The following MITF variants were observed in gnomAD, a reference collection of about 807,000 sequenced individuals.
MITF encodes microphthalmia-associated transcription factor.
In MITF, 17 loss-of-function variants were observed where a neutral mutation model predicts 60.5. The observed-to-expected ratio is 0.28, with a 90% confidence interval of 0.19 to 0.42. MITF has a LOEUF of 0.42. Ranked by LOEUF, MITF falls within the 10% of genes least tolerant of loss-of-function variation. The pLI, the probability that MITF is intolerant of heterozygous loss-of-function variation, is 1.00. For missense variants in MITF, 622 were observed against 683.5 expected (o/e 0.91, Z 1.00); for synonymous variants, 260 against 248.5 (o/e 1.05, Z -0.43).
Position 69,965,150 on chromosome 3 carries a change from G to A in MITF, c.1483G>A (p.Val495Ile), listed in dbSNP as rs773924973. 1 of 1,614,102 alleles carries A rather than the reference G, an allele frequency of 6.2e-7. No individual in the cohort carries two copies. Among genetic ancestry groups the A allele is most frequent in the Non-Finnish European group, 8.5e-7 (1 of 1,180,006 alleles). ...GGACGACACCCTTTCTCCCGTCGGT[G>A]TCACTGATCCACTCCTTTCCTCAGT... ...LMDDTLSPVG[V>I]TDPLLSSVSP... The change falls in exon 10 of 10, where the codon GTC becomes ATC. Residue 495 changes from valine to isoleucine, a missense_variant. Val to Ile is a conservative substitution (Grantham distance 29). Around this residue, in one of 5 missense-constraint regions of MITF, gnomAD observed 224 missense variants for 209.5 expected, o/e 1.07. Coordinates refer to ENST00000352241, the MANE Select transcript of MITF (RefSeq NM_001354604.2).
intron 1 of MITF, among the ~76,000 whole-genome samples, chr3:69,751,601 C>T (rs962214506): frequency 5.6e-5 from 8 of 142,590 alleles, no homozygotes; most frequent in East Asian, 4.1e-4. Context: ...AGAGAAAAAG[C>T]GCTGATCTGT....
At chr3:69,824,824 C>T (rs1475083673) in intron 1 of MITF, among the ~76,000 whole-genome samples, 1 of 152,192 alleles carries the variant, frequency 6.6e-6, no homozygotes, top group Non-Finnish European at 1.5e-5. Context: ...GGTGGGACAC[C>T]TCCCTGTGAA....
intron 6 of MITF, among the ~76,000 whole-genome samples, chr3:69,951,044 T>A (rs142538998): frequency 6.6e-6 from 1 of 151,872 alleles, no homozygotes; most frequent in African/African-American, 2.4e-5. Context: ...ATGAGTTCAT[T>A]CTATGAAGTA....
In MITF at chr3:69,747,650, G is replaced by C. The variant is rs9841456; in HGVS notation, c.104+7949G>C. On this transcript the variant is annotated intron_variant, in intron 1 of 9. Coordinates refer to ENST00000352241, the MANE Select transcript of MITF (RefSeq NM_001354604.2). Reference sequence around the variant, plus strand: ...ACAGACATTAATCTTTGTTATAAGTGTTTATAACTCAGTCTTAAATGTTTT... The same window carrying C: ...ACAGACATTAATCTTTGTTATAAGTCTTTATAACTCAGTCTTAAATGTTTT... Among the ~76,000 whole-genome samples the C allele has an allele frequency of 2.4e-3, 359 of 152,306 alleles. 2 individuals carry two copies. The highest frequency in any genetic ancestry group is 8.2e-3 in the African/African-American group (341 of 41,572).
At chr3:69,847,087 T>A (rs2063745249) in intron 1 of MITF, among the ~76,000 whole-genome samples, 1 of 152,136 alleles carries the variant, frequency 6.6e-6, no homozygotes, top group Admixed American at 6.5e-5. Flanking sequence ...TGGGAGACAG[T>A]CCTCTAAATT....
chr3:69,938,597 T>C (rs2065899260), intron 3 of MITF: 2 of 1,364,068 alleles, frequency 1.5e-6, no homozygotes, highest in East Asian at 5.5e-5. Flanking sequence ...TTCTGTTTCA[T>C]AATAAAATTG....
chr3:69,823,367 A>G (rs1456523935), intron 1 of MITF, among the ~76,000 whole-genome samples: 1 of 152,158 alleles, frequency 6.6e-6, no homozygotes, highest in Non-Finnish European at 1.5e-5. Flanking sequence ...GGAAGTTCAG[A>G]TCAAGGTGCT....
At chr3:69,813,900 A>G (rs753055130) in intron 1 of MITF, among the ~76,000 whole-genome samples, 8 of 152,200 alleles carry the variant, frequency 5.3e-5, no homozygotes, top group African/African-American at 7.2e-5. Flanking sequence ...CTTAAAATCT[A>G]TGGGAACTTA....
intron 1 of MITF, among the ~76,000 whole-genome samples, chr3:69,812,394 A>G (rs2063115307): frequency 2.0e-5 from 3 of 152,182 alleles, no homozygotes. Flanking sequence ...CATTTAGACA[A>G]TGTGAGATTT....
At chr3:69,908,448 T>A (rs896875015) in intron 2 of MITF, among the ~76,000 whole-genome samples, 2 of 152,240 alleles carry the variant, frequency 1.3e-5, no homozygotes, top group South Asian at 2.1e-4. Flanking sequence ...CCCCATTTTT[T>A]AAAAAGTACT....
At chr3:69,954,274 T>C (rs1176396556) in intron 7 of MITF, among the ~76,000 whole-genome samples, 1 of 152,234 alleles carries the variant, frequency 6.6e-6, no homozygotes, top group Non-Finnish European at 1.5e-5. Flanking sequence ...GAGCGTACTA[T>C]GTGCCAGATG....
intron 1 of MITF, among the ~76,000 whole-genome samples, chr3:69,825,224 A>G (rs1191048071): frequency 6.6e-6 from 1 of 152,206 alleles, no homozygotes; most frequent in Non-Finnish European, 1.5e-5. Context: ...GTTGCAAAAA[A>G]CAAGTGGTTG....
intron 2 of MITF, among the ~76,000 whole-genome samples, chr3:69,884,041 T>G (rs984270287): frequency 2.6e-5 from 4 of 152,166 alleles, no homozygotes; most frequent in Non-Finnish European, 4.4e-5. Context: ...GAAACCTCAT[T>G]TCCCTGCAGA....
intron 1 of MITF, among the ~76,000 whole-genome samples, chr3:69,784,234 A>G (rs2106887611): frequency 6.6e-6 from 1 of 152,274 alleles, no homozygotes. Flanking sequence ...CCAGGAAGGA[A>G]CAACATACTG....
intron 2 of MITF, among the ~76,000 whole-genome samples, chr3:69,931,877 G>A (rs1424181291): frequency 6.6e-6 from 1 of 152,160 alleles, no homozygotes; most frequent in Non-Finnish European, 1.5e-5. Context: ...ACAGAATAAT[G>A]GAGACATGGC....
intron 1 of MITF, among the ~76,000 whole-genome samples, chr3:69,859,025 T>C (rs1168189716): frequency 7.2e-5 from 11 of 152,188 alleles, no homozygotes; most frequent in African/African-American, 2.7e-4. Context: ...AGTATTAATA[T>C]TCCCATCTTA....
intron 7 of MITF, among the ~76,000 whole-genome samples, chr3:69,953,909 C>T (rs1326672744): frequency 4.6e-5 from 7 of 152,010 alleles, no homozygotes; most frequent in Non-Finnish European, 5.9e-5. Context: ...TGGGGAGAGA[C>T]GTGCTTGTCT....
intron 1 of MITF, among the ~76,000 whole-genome samples, chr3:69,756,131 T>G (rs552732398): frequency 5.9e-5 from 9 of 152,300 alleles, no homozygotes; most frequent in African/African-American, 2.2e-4. Flanking sequence ...TGGCAAGTTT[T>G]TTTTTTTAAG....
chr3:69,888,441 C>A (rs1248210619), intron 2 of MITF, among the ~76,000 whole-genome samples: 3 of 148,048 alleles, frequency 2.0e-5, no homozygotes, highest in African/African-American at 7.5e-5. Flanking sequence ...TGAAAGAAAT[C>A]TTACCTTGAG....
Sources: gnomAD v4.1 joint callset for allele counts (sites outside exome capture counted in the v4.1 genomes callset) on GRCh38, gnomAD v4.1.1 for gene constraint, gnomAD v4.1.1 regional missense constraint, MANE v1.5 for transcripts, NCBI Gene and HGNC (gene_info 2026-07-23, HGNC 2026-07-21) for gene names.